DNAJC6: variants seen among roughly 807,000 people sequenced by gnomAD.
The protein encoded by DNAJC6 is auxilin.
DNAJC6 carries 34 observed loss-of-function variants against 110.0 expected under a neutral mutation model. The ratio of observed to expected loss-of-function variants is 0.31; its 90% CI spans 0.24 to 0.41. DNAJC6 has a LOEUF of 0.41. DNAJC6 is among the 10% of genes least tolerant of loss of function. The pLI is 1.00. For synonymous variants in DNAJC6, 406 were observed against 437.2 expected, an observed-to-expected ratio of 0.93 and a Z score of 0.89; for missense variants, 1,031 against 1,207.8, an observed-to-expected ratio of 0.85 and a Z score of 2.17.
At chr1:65,286,028 A>G (rs1654006589) in intron 1 of DNAJC6, among the ~76,000 whole-genome samples, 1 of 152,176 alleles carries the variant, frequency 6.6e-6, no homozygotes, top group African/African-American at 2.4e-5. Context: ...GCCTACCACA[A>G]AAGTTGATGT....
At chr1:65,315,824 C>T (rs1237203915) in intron 1 of DNAJC6, among the ~76,000 whole-genome samples, 1 of 152,114 alleles carries the variant, frequency 6.6e-6, no homozygotes, top group African/African-American at 2.4e-5. Flanking sequence ...GAGAAATGCC[C>T]ATACGATTGC....
chr1:65,411,370 C>A lies in DNAJC6; in HGVS notation c.2755C>A (p.Pro919Thr). Residue 919 changes from proline (P) to threonine (T), a missense_variant, in exon 18 of 19, where the codon CCA becomes ACA. Transcript: ENST00000371069. ...KPVGMADLVT[P>T]EQVKKVYRKA... ...AGTTGGCATGGCAGACCTGGTAACA[C>A]CAGAGCAGGTGAAGAAGGTGTACAG... 2 of 1,614,072 alleles carry A rather than the reference C, an allele frequency of 1.2e-6. No homozygotes were observed. Among genetic ancestry groups the A allele is most frequent in the Admixed American group, 1.7e-5 (1 of 60,014 alleles).
chr1:65,340,875 A>C, intron 1 of DNAJC6, among the ~76,000 whole-genome samples: 1 of 152,152 alleles, frequency 6.6e-6, no homozygotes, highest in East Asian at 1.9e-4. Flanking sequence ...TGTAGACTTT[A>C]GGCTCCACTC....
At chr1:65,363,222 C>T (rs768074173) in intron 1 of DNAJC6, among the ~76,000 whole-genome samples, 20 of 152,136 alleles carry the variant, frequency 1.3e-4, no homozygotes, top group Non-Finnish European at 2.5e-4. Flanking sequence ...CAACTTGAGA[C>T]GAGATTTGAG....
Position 65,413,178 on chromosome 1 carries a change from G to C in DNAJC6, c.*153G>C. 1.6e-6 allele frequency: 1 copy of C among 610,106 alleles called. No individual in the cohort carries two copies. Among genetic ancestry groups the C allele is most frequent in the Non-Finnish European group, 2.8e-6 (1 of 359,840 alleles). 37.8% of individuals were successfully genotyped at this position (610,106 alleles called of 1,614,324 possible). ...CATGAATTAATTTCTCATTGATAAGGAATGTGGATGTTTGGTTTCTCCAAA... is the reference window on the plus strand; with the variant it reads ...CATGAATTAATTTCTCATTGATAAGCAATGTGGATGTTTGGTTTCTCCAAA... On this transcript the variant is annotated 3_prime_UTR_variant, in exon 19 of 19. Coordinates refer to ENST00000371069, the MANE Select transcript of DNAJC6 (RefSeq NM_001256864.2).
At chr1:65,372,758 A>G (rs565666269) in intron 4 of DNAJC6, among the ~76,000 whole-genome samples, 1 of 152,290 alleles carries the variant, frequency 6.6e-6, no homozygotes, top group South Asian at 2.1e-4. Flanking sequence ...TAATAGATGA[A>G]AATAAACTGG....
At chr1:65,372,681 A>G (rs1369229813) in intron 4 of DNAJC6, among the ~76,000 whole-genome samples, 2 of 152,112 alleles carry the variant, frequency 1.3e-5, no homozygotes, top group Non-Finnish European at 2.9e-5. Context: ...ATCAAGTAGT[A>G]AATGGTAAAT....
chr1:65,276,141 C>T (rs557265955), intron 1 of DNAJC6, among the ~76,000 whole-genome samples: 1 of 152,314 alleles, frequency 6.6e-6, no homozygotes, highest in African/African-American at 2.4e-5. Context: ...CTTGACCTCC[C>T]AAAGTGCTGG....
intron 1 of DNAJC6, among the ~76,000 whole-genome samples, chr1:65,323,783 G>A (rs1250359202): frequency 6.6e-6 from 1 of 152,034 alleles, no homozygotes; most frequent in Non-Finnish European, 1.5e-5. Flanking sequence ...TAGAGATGAG[G>A]TTCTACTATG....
rs1356950848 is a variant in DNAJC6 at position 65,309,927 on chromosome 1, TG to T, written c.184del (p.Asp62ThrfsTer22). On this transcript the variant is annotated frameshift_variant, in exon 1 of 19. Transcript: ENST00000371069. LOFTEE classifies it high-confidence loss of function. ...ARQPPDRAST[M>X]DSSGASSPDM... ...CAGCCTCCGGACCGCGCCAGCACCA[TG>T]GACAGCTCAGGTAGCGCTGCCCGAG... The T allele has an allele frequency of 6.7e-7, 1 of 1,503,516 alleles. No homozygotes were observed. Among genetic ancestry groups the T allele is most frequent in the Non-Finnish European group, 8.9e-7 (1 of 1,125,234 alleles). The allele number at this position is 1,503,516 out of a possible 1,614,324, so 93.1% of individuals were successfully genotyped here.
chr1:65,276,203 A>C (rs1653665754), intron 1 of DNAJC6, among the ~76,000 whole-genome samples: 1 of 152,198 alleles, frequency 6.6e-6, no homozygotes, highest in South Asian at 2.1e-4. Context: ...CTTTACCAAA[A>C]GAGATTCTTC....
At chr1:65,279,057 T>C in intron 1 of DNAJC6, 2 of 985,410 alleles carry the variant, frequency 2.0e-6, no homozygotes, top group Non-Finnish European at 2.4e-6. Flanking sequence ...TAAGAATCAT[T>C]TGACTGCATA....
intron 1 of DNAJC6, among the ~76,000 whole-genome samples, chr1:65,289,403 G>T (rs1019125181): frequency 2.6e-5 from 4 of 152,094 alleles, no homozygotes; most frequent in African/African-American, 9.7e-5. Context: ...TGCCGTGTTG[G>T]CCAAGCTGGT....
Position 65,281,222 on chromosome 1 carries a change from C to T in DNAJC6, c.-131+16290C>T, listed in dbSNP as rs566086558. 1.2e-4 allele frequency among the ~76,000 whole-genome samples: 19 copies of T among 152,234 alleles called. No homozygotes were observed. The South Asian group carries it at 2.9e-3, about 23-fold the overall frequency. On this transcript the variant is annotated intron_variant, in intron 1 of 19. Coordinates refer to the DNAJC6 transcript ENST00000263441. Reference sequence around the variant, plus strand: ...GATTACAAGCCTTAGCCACTGTGCCCGGCTCAAGTTTCAAATTTTAAATGA... The same window carrying T: ...GATTACAAGCCTTAGCCACTGTGCCTGGCTCAAGTTTCAAATTTTAAATGA...
At chr1:65,402,272 A>C (rs1646037039) in intron 15 of DNAJC6, among the ~76,000 whole-genome samples, 1 of 151,988 alleles carries the variant, frequency 6.6e-6, no homozygotes, top group African/African-American at 2.4e-5. Context: ...TGATGCGGTG[A>C]TGTTACCTGT....
At chr1:65,355,466 T>G (rs1383554792) in intron 1 of DNAJC6, among the ~76,000 whole-genome samples, 1 of 151,976 alleles carries the variant, frequency 6.6e-6, no homozygotes, top group Non-Finnish European at 1.5e-5. Context: ...AGTGCTTAGC[T>G]CCCCTGGAGC....
intron 1 of DNAJC6, among the ~76,000 whole-genome samples, chr1:65,281,146 C>T (rs774406120): frequency 3.9e-5 from 6 of 152,026 alleles, no homozygotes; most frequent in Non-Finnish European, 8.8e-5. Context: ...AGGCTGGTCT[C>T]GAACTCCTGA....
chr1:65,389,197 A>G lies in DNAJC6; in HGVS notation c.1194-59A>G. ...TCAACCTAAGATGACTTCTGTGCCA[A>G]ACATCATACCAGTTCCATTGTTTTT... On this transcript the variant is annotated intron_variant, in intron 9 of 18. Transcript: ENST00000371069. The G allele has an allele frequency of 4.7e-6, 7 of 1,500,042 alleles. No individual in the cohort carries two copies. The South Asian group carries it at 7.5e-5, about 16-fold the overall frequency. The allele number at this position is 1,500,042 out of a possible 1,614,324, so 92.9% of individuals were successfully genotyped here.
intron 1 of DNAJC6, among the ~76,000 whole-genome samples, chr1:65,271,331 G>A (rs1177720204): frequency 6.6e-6 from 1 of 152,070 alleles, no homozygotes; most frequent in East Asian, 1.9e-4. Flanking sequence ...CCCAGTCACA[G>A]TGCTGTGCAA....
Sources: allele counts gnomAD v4.1 joint callset (sites outside exome capture counted in the v4.1 genomes callset), GRCh38; gene constraint gnomAD v4.1.1; transcripts MANE v1.5; gene names NCBI Gene and HGNC (gene_info 2026-07-23, HGNC 2026-07-21).